The following BBX variants were observed in gnomAD, a reference collection of about 807,000 sequenced individuals.
The protein encoded by BBX is HMG box transcription factor BBX.
In BBX, 30 loss-of-function variants were observed where a neutral mutation model predicts 100.2. That is an observed-to-expected ratio of 0.30 (90% CI 0.22 to 0.41). The LOEUF is 0.41. Ranked by LOEUF, BBX falls within the 10% of genes least tolerant of loss-of-function variation. The pLI, the probability that BBX is intolerant of heterozygous loss-of-function variation, is 1.00. For synonymous variants in BBX, 376 were observed against 388.1 expected, an observed-to-expected ratio of 0.97 and a Z score of 0.37; for missense variants, 1,023 against 1,129.8, an observed-to-expected ratio of 0.91 and a Z score of 1.35.
intron 17 of BBX, among the ~76,000 whole-genome samples, chr3:107,803,444 C>T (rs773970513): frequency 1.3e-5 from 2 of 152,012 alleles, no homozygotes; most frequent in Non-Finnish European, 1.5e-5. Flanking sequence ...AGCATCAACT[C>T]GGTTCATAGT....
chr3:107,616,441 T>A (rs1014445320), intron 2 of BBX, among the ~76,000 whole-genome samples: 1 of 151,696 alleles, frequency 6.6e-6, no homozygotes, highest in African/African-American at 2.4e-5. Context: ...TGTTTTTGTT[T>A]TTGTTTTAAA....
chr3:107,747,506 G>A (rs1034379880), intron 8 of BBX, among the ~76,000 whole-genome samples: 2 of 152,122 alleles, frequency 1.3e-5, no homozygotes, highest in Non-Finnish European at 2.9e-5. Context: ...CAGTCTCCCA[G>A]ATACCCTGAC....
intron 3 of BBX, among the ~76,000 whole-genome samples, chr3:107,661,419 C>G (rs1045885150): frequency 1.3e-5 from 2 of 152,026 alleles, no homozygotes; most frequent in African/African-American, 4.8e-5. Context: ...ATTTTCTAAA[C>G]TGGGAAAAAT....
In BBX at chr3:107,603,227, G is replaced by A. The variant is rs1468856143; in HGVS notation, c.-83-42609G>A. 2.6e-5 allele frequency among the ~76,000 whole-genome samples: 4 copies of A among 152,230 alleles called. No individual in the cohort carries two copies. The East Asian group carries it at 7.7e-4, about 29-fold the overall frequency. On this transcript the variant is annotated intron_variant, in intron 2 of 17. Coordinates refer to ENST00000325805, the MANE Select transcript of BBX (RefSeq NM_001142568.3). ...GATCCACCTGCCTCGGCCTCCCAAA[G>A]TGCTGGGATTACAGGCGTGAGCCAC... is the stretch of plus-strand genomic sequence containing the variant.
At chr3:107,801,453 C>G (rs1337146494) in intron 17 of BBX, among the ~76,000 whole-genome samples, 172 bp downstream of exon 17, 1 of 152,130 alleles carries the variant, frequency 6.6e-6, no homozygotes, top group Non-Finnish European at 1.5e-5. Context: ...CGGGAAAATA[C>G]CAGGGAATAT....
intron 13 of BBX, among the ~76,000 whole-genome samples, chr3:107,782,823 A>G (rs920771859): frequency 3.3e-5 from 5 of 152,076 alleles, no homozygotes; most frequent in African/African-American, 7.2e-5. Context: ...CATACCAGCA[A>G]TGAGTGATTT....
chr3:107,657,499 A>C (rs2058215469), intron 3 of BBX, among the ~76,000 whole-genome samples: 2 of 152,176 alleles, frequency 1.3e-5, no homozygotes, highest in Non-Finnish European at 2.9e-5. Flanking sequence ...AGAAACTATT[A>C]ATCTACAGAA....
At chr3:107,665,470 C>T (rs2058687806) in intron 3 of BBX, among the ~76,000 whole-genome samples, 1 of 152,138 alleles carries the variant, frequency 6.6e-6, no homozygotes, top group Admixed American at 6.5e-5. Context: ...CTGAGCACCA[C>T]TACCAGAGTC....
At chr3:107,620,458 A>G (rs2055658373) in intron 2 of BBX, among the ~76,000 whole-genome samples, 1 of 152,208 alleles carries the variant, frequency 6.6e-6, no homozygotes, top group African/African-American at 2.4e-5. Flanking sequence ...TTCCATTGAA[A>G]CCTAGATATT....
intron 3 of BBX, among the ~76,000 whole-genome samples, chr3:107,684,127 A>G (rs988498703): frequency 6.6e-6 from 1 of 152,194 alleles, no homozygotes; most frequent in African/African-American, 2.4e-5. Context: ...AATTCCCTTC[A>G]GCAATACCTA....
chr3:107,789,995 C>A, intron 14 of BBX, 119 bp downstream of exon 14: 1 of 681,638 alleles, frequency 1.5e-6, no homozygotes, highest in Non-Finnish European at 2.4e-6. Flanking sequence ...GCTTCAGTGC[C>A]ATCAGCTCCT....
chr3:107,651,461 GACTTCC>G (rs2057833465), intron 3 of BBX, among the ~76,000 whole-genome samples: 1 of 152,076 alleles, frequency 6.6e-6, no homozygotes, highest in Non-Finnish European at 1.5e-5. Flanking sequence ...TATAAAAATT[GACTTCC>G]ATGTGTATTT....
chr3:107,602,003 G>A (rs2054099791), intron 2 of BBX, among the ~76,000 whole-genome samples: 1 of 152,186 alleles, frequency 6.6e-6, no homozygotes, highest in Non-Finnish European at 1.5e-5. Flanking sequence ...GACTCTTAAG[G>A]ATTCTGCTAA....
intron 9 of BBX, among the ~76,000 whole-genome samples, chr3:107,751,544 A>G (rs920621427): frequency 1.3e-5 from 2 of 151,902 alleles, no homozygotes; most frequent in African/African-American, 4.8e-5. Context: ...ATTTTTTTTC[A>G]TTGAGTCCTG....
chr3:107,604,729 T>C (rs2054301637), intron 2 of BBX, among the ~76,000 whole-genome samples: 1 of 152,108 alleles, frequency 6.6e-6, no homozygotes, highest in Non-Finnish European at 1.5e-5. Context: ...TCCCCATGCT[T>C]ACATGGCTTT....
At chr3:107,591,843 T>C (rs1428253249) in intron 2 of BBX, among the ~76,000 whole-genome samples, 1 of 152,200 alleles carries the variant, frequency 6.6e-6, no homozygotes, top group Non-Finnish European at 1.5e-5. Context: ...CACTGAAATA[T>C]TTTATTGAGG....
intron 2 of BBX, among the ~76,000 whole-genome samples, chr3:107,554,033 A>G (rs1320635584): frequency 2.0e-5 from 3 of 152,196 alleles, no homozygotes; most frequent in Non-Finnish European, 2.9e-5. Flanking sequence ...GTGGGATCCA[A>G]GAATGTATGT....
intron 3 of BBX, among the ~76,000 whole-genome samples, chr3:107,668,109 A>G (rs1249330780): frequency 2.6e-5 from 4 of 152,156 alleles, no homozygotes; most frequent in Non-Finnish European, 2.9e-5. Flanking sequence ...TTTAATATTG[A>G]TATTTATTTT....
intron 3 of BBX, among the ~76,000 whole-genome samples, chr3:107,681,050 CTG>C (rs2059546819): frequency 6.6e-6 from 1 of 152,128 alleles, no homozygotes; most frequent in Admixed American, 6.6e-5. Context: ...AAAATGACAC[CTG>C]AATGGTGGAA....
Sources: allele counts gnomAD v4.1 joint callset (sites outside exome capture counted in the v4.1 genomes callset), GRCh38; gene constraint gnomAD v4.1.1; transcripts MANE v1.5; gene names NCBI Gene and HGNC (gene_info 2026-07-23, HGNC 2026-07-21).